The following GRIK3 variants were observed in gnomAD, a reference collection of about 807,000 sequenced individuals.
GRIK3 encodes the protein glutamate ionotropic receptor kainate type subunit 3.
Under a neutral mutation model 102.5 loss-of-function variants are expected in GRIK3, and 29 were observed. The observed-to-expected ratio is 0.28, with a 90% CI of 0.21 to 0.39. The LOEUF (loss-of-function observed/expected upper bound fraction) is 0.39, where lower values mean the gene tolerates loss of function less well. Ranked by LOEUF, GRIK3 falls within the 10% of genes least tolerant of loss-of-function variation. The pLI is 1.00. For synonymous variants in GRIK3, 511 were observed against 504.9 expected, an observed-to-expected ratio of 1.01 and a Z score of -0.16; for missense variants, 908 against 1,252.4, an observed-to-expected ratio of 0.73 and a Z score of 4.15.
intron 1 of GRIK3, among the ~76,000 whole-genome samples, chr1:37,031,357 GAC>G (rs1190359805): frequency 6.6e-6 from 1 of 152,150 alleles, no homozygotes; most frequent in East Asian, 1.9e-4. Flanking sequence ...CCTTCTGATA[GAC>G]ACAATTACAA....
intron 1 of GRIK3, among the ~76,000 whole-genome samples, chr1:37,001,479 T>G (rs138444562): frequency 0.01 from 1,565 of 152,250 alleles, 12 homozygotes; most frequent in Admixed American, 0.018. Flanking sequence ...AGGTGCACGA[T>G]GGAATTTCTC....
intron 10 of GRIK3, among the ~76,000 whole-genome samples, chr1:36,840,734 A>G (rs558007788): frequency 4.0e-5 from 6 of 151,822 alleles, no homozygotes; most frequent in African/African-American, 1.2e-4. Flanking sequence ...AGCAACAATT[A>G]CTCCTATTTT....
intron 1 of GRIK3, among the ~76,000 whole-genome samples, chr1:37,007,124 C>A (rs573946083): frequency 6.6e-6 from 1 of 152,206 alleles, no homozygotes; most frequent in Non-Finnish European, 1.5e-5. Context: ...GAGGCTGTAG[C>A]CTAGACAAAA....
At chr1:36,827,510 C>G (rs954488546) in intron 10 of GRIK3, among the ~76,000 whole-genome samples, 1 of 152,280 alleles carries the variant, frequency 6.6e-6, no homozygotes, top group South Asian at 2.1e-4. Context: ...TGGTCCAACT[C>G]CATTCATCCA....
At chr1:36,998,895 G>A (rs547036587) in intron 1 of GRIK3, among the ~76,000 whole-genome samples, 1 of 152,292 alleles carries the variant, frequency 6.6e-6, no homozygotes, top group Non-Finnish European at 1.5e-5. Context: ...CTGCCACAGT[G>A]ATTGAATGTC....
At chr1:36,884,442 G>A (rs1036642179) in intron 2 of GRIK3, among the ~76,000 whole-genome samples, 13 of 152,164 alleles carry the variant, frequency 8.5e-5, no homozygotes, top group Admixed American at 6.5e-5. Flanking sequence ...TGGGGGTGTT[G>A]CATATCTTCC....
rs1306650168 is a variant in GRIK3 at position 36,805,954 on chromosome 1, A to G, written c.2314+150T>C. 1.2e-4 allele frequency: 67 copies of G among 547,902 alleles called. No individual in the cohort carries two copies. In the East Asian group the frequency reaches 1.6e-3, roughly 13 times the overall value. 33.9% of individuals were successfully genotyped at this position (547,902 alleles called of 1,614,324 possible). ...TCCACCTCAAAAAAAAAAAAAAAAA[A>G]AAAAAAAGAAAAGAACAGAAAAAAA... On this transcript the variant is annotated intron_variant, in intron 14 of 15. Transcript: ENST00000373091.
In GRIK3 at chr1:36,872,286, C is replaced by G; in HGVS notation, c.634G>C (p.Asp212His). 6.2e-7 allele frequency: 1 copy of G among 1,613,182 alleles called. No individual in the cohort carries two copies. The highest frequency in any genetic ancestry group is 2.2e-5 in the East Asian group (1 of 44,810). Residue 212 changes from aspartate (D) to histidine (H), a missense_variant, in exon 4 of 16, where the codon GAC (aspartate) becomes CAC (histidine). Asp to His is a moderately conservative substitution (Grantham distance 81). Around this residue, in one of 3 missense-constraint regions of GRIK3, gnomAD observed 585 missense variants for 824.9 expected, o/e 0.71. Coordinates refer to ENST00000373091, the MANE Select transcript of GRIK3 (RefSeq NM_000831.4). This position sits in a 1 kb window ranked among gnomAD's most constrained non-coding sequence, Gnocchi z 5.9. ...TCCTTGAGCAAGGGGCGCGAGTCGT[C>G]AGAGTCGATGGGGAGCTGACGGATC... ...LKIRQLPIDS[D>H]DSRPLLKEMK...
chr1:36,942,960 T>C (rs1641743891), intron 1 of GRIK3, among the ~76,000 whole-genome samples: 1 of 152,160 alleles, frequency 6.6e-6, no homozygotes, highest in African/African-American at 2.4e-5. Flanking sequence ...TACAAGGCTA[T>C]GCAAAACAAT....
chr1:36,993,954 C>T (rs1183389639), intron 1 of GRIK3, among the ~76,000 whole-genome samples: 5 of 152,200 alleles, frequency 3.3e-5, no homozygotes, highest in African/African-American at 4.8e-5. Context: ...GCTTCCCTCC[C>T]TTCTTCCCCA....
intron 1 of GRIK3, among the ~76,000 whole-genome samples, chr1:36,958,148 C>T (rs931617900): frequency 1.6e-5 from 2 of 122,672 alleles, no homozygotes; most frequent in Non-Finnish European, 3.4e-5. Context: ...CCCCGTGACT[C>T]TGTGCCCTGA....
At chr1:36,828,815 T>G (rs1024370294) in intron 10 of GRIK3, among the ~76,000 whole-genome samples, 3 of 152,168 alleles carry the variant, frequency 2.0e-5, no homozygotes, top group African/African-American at 7.2e-5. Context: ...GCAAGTTGGA[T>G]AAGAGAGTTA....
intron 1 of GRIK3, among the ~76,000 whole-genome samples, chr1:37,016,943 G>A (rs1190432117): frequency 2.0e-5 from 3 of 152,082 alleles, no homozygotes; most frequent in South Asian, 2.1e-4. Context: ...GGCCAGGCGC[G>A]GTGGCTCAAA....
chr1:37,001,222 A>G (rs942210190), intron 1 of GRIK3, among the ~76,000 whole-genome samples: 1 of 152,176 alleles, frequency 6.6e-6, no homozygotes, highest in Non-Finnish European at 1.5e-5. Context: ...GCTTCTTTTC[A>G]TTGTCACAAA....
At chr1:36,826,491 G>A (rs1056689111) in intron 10 of GRIK3, among the ~76,000 whole-genome samples, 1 of 151,998 alleles carries the variant, frequency 6.6e-6, no homozygotes, top group African/African-American at 2.4e-5. Context: ...AACATAGTGA[G>A]ACTCCATCTC....
At chr1:36,879,778 C>T (rs566354040) in intron 3 of GRIK3, among the ~76,000 whole-genome samples, 2 of 152,278 alleles carry the variant, frequency 1.3e-5, no homozygotes, top group South Asian at 2.1e-4. Flanking sequence ...CAGGTGCAGC[C>T]ACATCAGGGA....
chr1:36,925,354 C>T (rs998011527), intron 1 of GRIK3, among the ~76,000 whole-genome samples: 1 of 152,262 alleles, frequency 6.6e-6, no homozygotes, highest in Non-Finnish European at 1.5e-5. Context: ...AGTACTCTGT[C>T]CCAGCCCCCA....
intron 1 of GRIK3, among the ~76,000 whole-genome samples, chr1:36,922,816 C>T (rs374283460): frequency 1.1e-4 from 17 of 152,292 alleles, no homozygotes; most frequent in African/African-American, 4.1e-4. Context: ...CAGCTCCCTC[C>T]ACTCCCTAAA....
At chr1:36,830,833 A>G (rs1250121655) in intron 10 of GRIK3, among the ~76,000 whole-genome samples, 1 of 150,700 alleles carries the variant, frequency 6.6e-6, no homozygotes, top group African/African-American at 2.4e-5. Flanking sequence ...AAAAAAAAAA[A>G]AAAGAAAAGA....
Sources: allele counts gnomAD v4.1 joint callset (sites outside exome capture counted in the v4.1 genomes callset), GRCh38; gene constraint gnomAD v4.1.1; regional missense constraint gnomAD v4.1.1; non-coding constraint Gnocchi (gnomAD v3.1); transcripts MANE v1.5; gene names NCBI Gene and HGNC (gene_info 2026-07-23, HGNC 2026-07-21).